Variants in C19orf47 observed in about 807,000 individuals in gnomAD.
C19orf47 encodes the protein uncharacterized protein C19orf47.
Under a neutral mutation model 32.3 loss-of-function variants are expected in C19orf47, and 18 were observed. The ratio of observed to expected loss-of-function variants is 0.56; its 90% CI spans 0.39 to 0.83. C19orf47 has a LOEUF of 0.83. Among genes scored for constraint, C19orf47 ranks in the 40% least tolerant of loss-of-function variants. C19orf47 has a pLI of 0.00. For missense variants in C19orf47, 484 were observed against 531.6 expected (o/e 0.91, Z 0.88); for synonymous variants, 202 against 211.1 (o/e 0.96, Z 0.37).
chr19:40,326,504 G>A lies in C19orf47; in HGVS notation c.440-18C>T, dbSNP rs767171341. ...CAGGGCTGCTGGGGGAAGAAAGCAG[G>A]GGTATCAGCACTCTCTGAGACAGAA... On this transcript the variant is annotated intron_variant, in intron 6 of 8. Coordinates refer to ENST00000683109, the MANE Select transcript of C19orf47 (RefSeq NM_001256441.2). 18 of 1,609,694 alleles carry A rather than the reference G, an allele frequency of 1.1e-5. No individual in the cohort carries two copies. The Admixed American group carries it at 1.3e-4, about 12-fold the overall frequency.
intron 4 of C19orf47, among the ~76,000 whole-genome samples, chr19:40,334,621 G>A (rs1223410531): frequency 2.0e-5 from 3 of 152,150 alleles, no homozygotes; most frequent in Non-Finnish European, 2.9e-5. Flanking sequence ...GGTGGCGCAC[G>A]CCTGTAATCC....
At chr19:40,329,668 A>G (rs1046283322) in intron 5 of C19orf47, among the ~76,000 whole-genome samples, 5 of 152,172 alleles carry the variant, frequency 3.3e-5, no homozygotes, top group Non-Finnish European at 7.3e-5. Context: ...CTCTGCAGGA[A>G]GAAATTCTTG....
the C19orf47 span, among the ~76,000 whole-genome samples, chr19:40,296,387 T>C: frequency 6.6e-6 from 1 of 152,024 alleles, no homozygotes; most frequent in African/African-American, 2.4e-5. Context: ...TTCAAGCAAT[T>C]ATCCTGCCTC....
Position 40,326,497 on chromosome 19 carries a change from A to T in C19orf47, c.440-11T>A. 1 of 1,611,036 alleles carries T rather than the reference A, an allele frequency of 6.2e-7. No individual in the cohort carries two copies. The highest frequency in any genetic ancestry group is 8.5e-7 in the Non-Finnish European group (1 of 1,179,870). On this transcript the variant is annotated splice_polypyrimidine_tract_variant and intron_variant, in intron 6 of 8. Transcript: ENST00000683109. ...GGCGGGCCAGGGCTGCTGGGGGAAG[A>T]AAGCAGGGGTATCAGCACTCTCTGA...
the C19orf47 span, among the ~76,000 whole-genome samples, chr19:40,293,445 A>G: frequency 7.1e-6 from 1 of 141,756 alleles, no homozygotes; most frequent in Admixed American, 7.1e-5. Flanking sequence ...CGTGCCCAGC[A>G]ATTTTTTGCT....
the C19orf47 span, among the ~76,000 whole-genome samples, chr19:40,302,371 C>T: frequency 6.6e-6 from 1 of 152,098 alleles, no homozygotes; most frequent in East Asian, 1.9e-4. Flanking sequence ...CTCAGATGAT[C>T]CTTCTGAGGT....
At chr19:40,293,913 G>A in the C19orf47 span, among the ~76,000 whole-genome samples, 2 of 152,032 alleles carry the variant, frequency 1.3e-5, no homozygotes, top group Non-Finnish European at 2.9e-5. Context: ...GAGGTCAGGA[G>A]TTAGTAGACC....
At chr19:40,346,166 A>AG (rs2078274192) in intron 1 of C19orf47, among the ~76,000 whole-genome samples, 2 of 148,842 alleles carry the variant, frequency 1.3e-5, no homozygotes, top group African/African-American at 5.0e-5. Flanking sequence ...AAAAAAAAAA[A>AG]AAAAAGTAAG....
chr19:40,342,000 C>T (rs1237840302), intron 1 of C19orf47, 110 bp from the exon 2 acceptor site: 2 of 1,515,154 alleles, frequency 1.3e-6, no homozygotes, highest in Non-Finnish European at 8.8e-7. Flanking sequence ...GGGCTAGGGG[C>T]TCACCGCCCA....
chr19:40,332,011 C>T (rs1188374649), intron 5 of C19orf47, among the ~76,000 whole-genome samples: 2 of 150,040 alleles, frequency 1.3e-5, no homozygotes, highest in African/African-American at 2.5e-5. Flanking sequence ...GCACTCCAGC[C>T]TGAGCCACAA....
the C19orf47 span, among the ~76,000 whole-genome samples, chr19:40,305,298 G>A: frequency 3.3e-5 from 5 of 151,164 alleles, no homozygotes; most frequent in Admixed American, 1.3e-4. Flanking sequence ...AGCTAAGATC[G>A]TGCCACTGTA....
At chr19:40,345,534 G>GT (rs1218785490) in intron 1 of C19orf47, among the ~76,000 whole-genome samples, 2 of 74,874 alleles carry the variant, frequency 2.7e-5, no homozygotes, top group Non-Finnish European at 5.0e-5. Context: ...CCCTGTCACT[G>GT]TTAAAAAAAA....
chr19:40,324,080 G>C lies in C19orf47; in HGVS notation c.593-4C>G. The C allele has an allele frequency of 1.2e-6, 2 of 1,614,246 alleles. No individual in the cohort carries two copies. The highest frequency in any genetic ancestry group is 2.2e-5 in the South Asian group (2 of 91,092). ...AACACAGACGTCCTATGGAGACCTG[G>C]GAGGGAAGTGAAGCCATCAGGGAGA... is the stretch of plus-strand genomic sequence containing the variant. On this transcript the variant is annotated splice_region_variant and splice_polypyrimidine_tract_variant and intron_variant, in intron 7 of 8. Coordinates refer to ENST00000683109, the MANE Select transcript of C19orf47 (RefSeq NM_001256441.2).
intron 6 of C19orf47, among the ~76,000 whole-genome samples, chr19:40,327,184 T>C (rs1044250424): frequency 2.6e-5 from 4 of 151,948 alleles, no homozygotes; most frequent in Non-Finnish European, 5.9e-5. Flanking sequence ...CAGCTAATTT[T>C]TGTATTTTTG....
chr19:40,324,505 C>G (rs1239986001), intron 7 of C19orf47: 1 of 163,886 alleles, frequency 6.1e-6, no homozygotes, highest in East Asian at 1.7e-4. Context: ...AATAAACAAC[C>G]ATTGAAAAAA....
chr19:40,300,226 G>A, the C19orf47 span, among the ~76,000 whole-genome samples: 1 of 151,944 alleles, frequency 6.6e-6, no homozygotes, highest in Non-Finnish European at 1.5e-5. Context: ...CAGCACTTTG[G>A]GAGGCCAGGG....
chr19:40,323,569 G>A (rs187570289), intron 8 of C19orf47, among the ~76,000 whole-genome samples: 1 of 152,346 alleles, frequency 6.6e-6, no homozygotes, highest in East Asian at 1.9e-4. Context: ...CTGCTGTGGG[G>A]ATAGGGGCTG....
chr19:40,336,228 C>T lies in C19orf47; in HGVS notation c.108-4G>A, dbSNP rs745678484. ...CAGCAGCATGCTCTTCTGAATCCTGCAGGGAAAGGTCAGTGGTGAGGCCCC... is the reference window on the plus strand; with the variant it reads ...CAGCAGCATGCTCTTCTGAATCCTGTAGGGAAAGGTCAGTGGTGAGGCCCC... On this transcript the variant is annotated splice_polypyrimidine_tract_variant and splice_region_variant and intron_variant, in intron 3 of 8. Coordinates refer to ENST00000683109, the MANE Select transcript of C19orf47 (RefSeq NM_001256441.2). The T allele has an allele frequency of 1.9e-6, 3 of 1,614,208 alleles. No individual in the cohort carries two copies. Among genetic ancestry groups the T allele is most frequent in the South Asian group, 1.1e-5 (1 of 91,086 alleles).
Position 40,348,317 on chromosome 19 carries a change from G to C in C19orf47, c.-34+7C>G. ...CCCAGTCCCACCACCCCCGGCCCGC[G>C]CCTCACCTGGCCCACCGGGCCCGCG... On this transcript the variant is annotated splice_region_variant and intron_variant, in intron 1 of 8. Coordinates refer to ENST00000683109, the MANE Select transcript of C19orf47 (RefSeq NM_001256441.2). 7.6e-7 allele frequency: 1 copy of C among 1,318,190 alleles called. No individual in the cohort carries two copies. Among genetic ancestry groups the C allele is most frequent in the Non-Finnish European group, 9.7e-7 (1 of 1,034,762 alleles). 81.7% of individuals were successfully genotyped at this position (1,318,190 alleles called of 1,614,324 possible).
Sources: allele counts gnomAD v4.1 joint callset (sites outside exome capture counted in the v4.1 genomes callset), GRCh38; gene constraint gnomAD v4.1.1; transcripts MANE v1.5; gene names NCBI Gene and HGNC (gene_info 2026-07-23, HGNC 2026-07-21).